SORCS3: variants seen among roughly 807,000 people sequenced by gnomAD.
SORCS3 encodes sortilin related VPS10 domain containing receptor 3.
SORCS3 carries 57 observed loss-of-function variants against 146.3 expected under a neutral mutation model. The ratio of observed to expected loss-of-function variants is 0.39; its 90% CI spans 0.31 to 0.49. The LOEUF (loss-of-function observed/expected upper bound fraction) is 0.49, where lower values mean the gene tolerates loss of function less well. SORCS3 is among the 20% of genes least tolerant of loss of function. The pLI, the probability that SORCS3 is intolerant of heterozygous loss-of-function variation, is 0.92. For missense variants in SORCS3, 1,341 were observed against 1,575.5 expected, an observed-to-expected ratio of 0.85 and a Z score of 2.52; for synonymous variants, 653 against 618.5, an observed-to-expected ratio of 1.06 and a Z score of -0.83.
At chr10:104,977,271 A>G (rs1589575838) in intron 3 of SORCS3, 64 bp from the exon 4 acceptor site, 1 of 1,327,148 alleles carries the variant, frequency 7.5e-7, no homozygotes, top group African/African-American at 1.5e-5. Flanking sequence ...TTTATGATTA[A>G]AGTTATTATA....
At chr10:105,138,622 C>T (rs113967924) in intron 7 of SORCS3, among the ~76,000 whole-genome samples, 2 of 152,350 alleles carry the variant, frequency 1.3e-5, no homozygotes, top group African/African-American at 2.4e-5. Context: ...TCTGCAGAGC[C>T]GTGCCATGTT....
intron 1 of SORCS3, among the ~76,000 whole-genome samples, chr10:104,789,505 C>G (rs1176014665): frequency 6.6e-6 from 1 of 152,204 alleles, no homozygotes; most frequent in Admixed American, 6.5e-5. Context: ...GTTAACACAT[C>G]TCTCCCTGGG....
chr10:105,256,981 T>C lies in SORCS3; in HGVS notation c.3443+57T>C. The C allele has an allele frequency of 2.5e-6, 3 of 1,210,422 alleles. No homozygotes were observed. In the East Asian group the frequency reaches 7.0e-5, roughly 28 times the overall value. The allele number at this position is 1,210,422 out of a possible 1,614,324, so 75.0% of individuals were successfully genotyped here. A position where few individuals can be genotyped will look rare whatever the true frequency, so the allele number is the denominator to read the frequency against. Reference sequence around the variant, plus strand: ...GGGTTGGGGTCATTGCAAATGATTCTTCCTATAACTAACTTTACTAAACTC... The same window carrying C: ...GGGTTGGGGTCATTGCAAATGATTCCTCCTATAACTAACTTTACTAAACTC... On this transcript the variant is annotated intron_variant, in intron 25 of 26. Coordinates refer to ENST00000369701, the MANE Select transcript of SORCS3 (RefSeq NM_014978.3).
intron 1 of SORCS3, among the ~76,000 whole-genome samples, chr10:104,701,308 A>T (rs2016276974): frequency 6.6e-6 from 1 of 152,234 alleles, no homozygotes; most frequent in South Asian, 2.1e-4. Context: ...CATTTGGCTG[A>T]TACAGGAAGT....
intron 7 of SORCS3, among the ~76,000 whole-genome samples, chr10:105,111,593 T>C (rs1160328110): frequency 1.3e-5 from 2 of 152,242 alleles, no homozygotes; most frequent in South Asian, 2.1e-4. Flanking sequence ...CAATGTACAA[T>C]GTCTCTGCGT....
chr10:105,106,803 GA>G (rs2055824993), intron 7 of SORCS3, among the ~76,000 whole-genome samples: 1 of 152,148 alleles, frequency 6.6e-6, no homozygotes, highest in African/African-American at 2.4e-5. Context: ...CAGAATCTCA[GA>G]ATTGTATTTC....
At chr10:104,992,541 T>G (rs1405403943) in intron 4 of SORCS3, among the ~76,000 whole-genome samples, 1 of 152,240 alleles carries the variant, frequency 6.6e-6, no homozygotes, top group African/African-American at 2.4e-5. Context: ...AGTTTATCAT[T>G]GGCTTCCCCT....
At chr10:104,736,827 A>G (rs938205084) in intron 1 of SORCS3, among the ~76,000 whole-genome samples, 1 of 151,138 alleles carries the variant, frequency 6.6e-6, no homozygotes, top group Non-Finnish European at 1.5e-5. Context: ...CATGTGCACA[A>G]TGTGCAGGTT....
intron 2 of SORCS3, among the ~76,000 whole-genome samples, chr10:104,914,020 C>T (rs571549762): frequency 3.9e-5 from 6 of 152,172 alleles, no homozygotes; most frequent in East Asian, 1.9e-4. Flanking sequence ...CCACCCACCT[C>T]GGCCTCCCAA....
chr10:105,129,855 G>A (rs988426455), intron 7 of SORCS3, among the ~76,000 whole-genome samples: 4 of 152,044 alleles, frequency 2.6e-5, no homozygotes, highest in African/African-American at 9.7e-5. Context: ...TTTCCTCTAG[G>A]AATTCATCTT....
intron 13 of SORCS3, among the ~76,000 whole-genome samples, chr10:105,172,766 G>A (rs1038213694): frequency 5.9e-5 from 9 of 152,028 alleles, no homozygotes; most frequent in Admixed American, 2.0e-4. Flanking sequence ...TTAGGATTGG[G>A]TAGAAGGATG....
chr10:104,972,325 C>T (rs1331405021), intron 3 of SORCS3, among the ~76,000 whole-genome samples: 1 of 152,148 alleles, frequency 6.6e-6, no homozygotes, highest in Non-Finnish European at 1.5e-5. Flanking sequence ...AGATTTGAAC[C>T]TGGTCTCTCT....
chr10:104,899,569 A>G (rs1353772514), intron 2 of SORCS3, among the ~76,000 whole-genome samples: 1 of 152,200 alleles, frequency 6.6e-6, no homozygotes, highest in Non-Finnish European at 1.5e-5. Context: ...CACACCTTGG[A>G]TGAATTGCAT....
chr10:105,173,318 CA>C (rs1198204256), intron 13 of SORCS3, among the ~76,000 whole-genome samples: 2 of 151,808 alleles, frequency 1.3e-5, no homozygotes, highest in Admixed American at 6.6e-5. Flanking sequence ...CTCAAAAACA[CA>C]AAAAAACAAC....
intron 2 of SORCS3, among the ~76,000 whole-genome samples, chr10:104,856,403 G>T (rs1057377669): frequency 6.8e-6 from 1 of 146,894 alleles, no homozygotes; most frequent in Non-Finnish European, 1.5e-5. Context: ...GAGAGAGAGA[G>T]ACCACTGTTA....
intron 1 of SORCS3, among the ~76,000 whole-genome samples, chr10:104,753,821 A>G (rs1183797401): frequency 1.3e-5 from 2 of 152,226 alleles, no homozygotes; most frequent in African/African-American, 4.8e-5. Context: ...TCAGAGATCA[A>G]TGACCAAAAA....
chr10:104,774,489 A>G (rs1214235784), intron 1 of SORCS3, among the ~76,000 whole-genome samples: 2 of 152,174 alleles, frequency 1.3e-5, no homozygotes, highest in Non-Finnish European at 2.9e-5. Context: ...TTACTTAAGG[A>G]TAATATTTCT....
At chr10:105,187,388 G>A (rs767057870) in intron 14 of SORCS3, among the ~76,000 whole-genome samples, 3 of 151,996 alleles carry the variant, frequency 2.0e-5, no homozygotes, top group Admixed American at 6.6e-5. Context: ...AGTGCAATTC[G>A]CCCTGTAGCC....
At chr10:105,059,078 T>C (rs1392440217) in intron 5 of SORCS3, among the ~76,000 whole-genome samples, 1 of 152,138 alleles carries the variant, frequency 6.6e-6, no homozygotes, top group East Asian at 1.9e-4. Context: ...CTCCTGGCAA[T>C]GCCTTTGTAC....
Sources: allele counts gnomAD v4.1 joint callset (sites outside exome capture counted in the v4.1 genomes callset), GRCh38; gene constraint gnomAD v4.1.1; transcripts MANE v1.5; gene names NCBI Gene and HGNC (gene_info 2026-07-23, HGNC 2026-07-21).